Variants in UNC80 observed in about 807,000 individuals in gnomAD.
UNC80 encodes the protein protein unc-80 homolog.
Under a neutral mutation model 384.6 loss-of-function variants are expected in UNC80, and 164 were observed. The ratio of observed to expected loss-of-function variants is 0.43; its 90% CI spans 0.38 to 0.49. The LOEUF (loss-of-function observed/expected upper bound fraction) is 0.49, where lower values mean the gene tolerates loss of function less well. UNC80 is among the 20% of genes least tolerant of loss of function. The probability of loss-of-function intolerance (pLI) is 0.00; values close to 1 mark genes in which losing one functional copy is unlikely to be tolerated. For synonymous variants in UNC80, 1,486 were observed against 1,527.8 expected (o/e 0.97, Z 0.64); for missense variants, 3,330 against 4,143.0 (o/e 0.80, Z 5.39).
rs191817545 is a variant in UNC80, at chr2:209,818,643, A to G, written c.1694-350A>G. Among the ~76,000 whole-genome samples, 23 of 152,338 alleles carry G rather than the reference A, an allele frequency of 1.5e-4. No individual in the cohort carries two copies. The East Asian group carries it at 4.4e-3, about 29-fold the overall frequency. ...TTAATATACTGGATAAAAATGCTAT[A>G]AACAAATAGTTTATATCAGTATGAT... On this transcript the variant is annotated intron_variant, in intron 11 of 64. Transcript: ENST00000673920.
In UNC80 at chr2:209,883,961, A is replaced by G. The variant is rs187962868; in HGVS notation, c.4110+2867A>G. Among the ~76,000 whole-genome samples the G allele has an allele frequency of 2.1e-3, 327 of 152,292 alleles. 2 individuals are homozygous for G. The highest frequency in any genetic ancestry group is 7.6e-3 in the African/African-American group (316 of 41,566). On this transcript the variant is annotated intron_variant, in intron 25 of 64. Transcript: ENST00000673920. ...CAGAGTAAGCATAAATACAGCCAAA[A>G]TGACATTTTTTCACCAGATAGATCC...
intron 18 of UNC80, among the ~76,000 whole-genome samples, chr2:209,837,439 T>C (rs2081400727): frequency 6.6e-6 from 1 of 152,208 alleles, no homozygotes; most frequent in Non-Finnish European, 1.5e-5. Flanking sequence ...CTGTAAACTC[T>C]TGGTGTATTA....
At chr2:209,773,948 A>G (rs912796555) in intron 2 of UNC80, among the ~76,000 whole-genome samples, 1 of 152,238 alleles carries the variant, frequency 6.6e-6, no homozygotes, top group Non-Finnish European at 1.5e-5. Flanking sequence ...ACAAATTGAG[A>G]AAATAAGACA....
chr2:209,840,230 A>G (rs977328186), intron 19 of UNC80, among the ~76,000 whole-genome samples: 1 of 152,230 alleles, frequency 6.6e-6, no homozygotes, highest in African/African-American at 2.4e-5. Context: ...CCATGTAGGC[A>G]GAGATAAATG....
intron 24 of UNC80, 85 bp downstream of exon 24, chr2:209,878,174 A>G: frequency 7.5e-7 from 1 of 1,328,812 alleles, no homozygotes; most frequent in African/African-American, 1.5e-5. Context: ...TTTCTCCTTC[A>G]TATTCTTACC....
chr2:209,771,988 T>G lies in UNC80; in HGVS notation c.-85T>G. The G allele has an allele frequency of 2.0e-6, 2 of 977,630 alleles. No individual in the cohort carries two copies. The highest frequency in any genetic ancestry group is 2.8e-5 in the East Asian group (1 of 35,280). The allele number at this position is 977,630 out of a possible 1,614,324, so 60.6% of individuals were successfully genotyped here. A position where few individuals can be genotyped will look rare whatever the true frequency, so the allele number is the denominator to read the frequency against. ...GCCTCGGGGAAGGAGGGGATGAGAG[T>G]TGGGAGCAGCGGGAGGAGGCGGCGG... On this transcript the variant is annotated 5_prime_UTR_variant, in exon 1 of 65. Transcript: ENST00000673920.
chr2:209,944,375 G>A (rs1238524314), intron 45 of UNC80, among the ~76,000 whole-genome samples: 3 of 152,158 alleles, frequency 2.0e-5, no homozygotes, highest in South Asian at 4.1e-4. Flanking sequence ...TCATTAACAT[G>A]AATTTCTACG....
intron 16 of UNC80, among the ~76,000 whole-genome samples, chr2:209,832,986 T>C (rs2081089663): frequency 6.6e-6 from 1 of 152,182 alleles, no homozygotes; most frequent in African/African-American, 2.4e-5. Context: ...TACTCTTTGC[T>C]GTGTGCTTAG....
intron 18 of UNC80, among the ~76,000 whole-genome samples, chr2:209,837,257 T>C (rs2081389093): frequency 6.6e-6 from 1 of 152,220 alleles, no homozygotes; most frequent in Admixed American, 6.5e-5. Context: ...AGCAAATCAA[T>C]AGCTAAAACC....
At chr2:209,971,147 T>C (rs1329991092) in intron 54 of UNC80, among the ~76,000 whole-genome samples, 190 bp downstream of exon 54, 1 of 152,228 alleles carries the variant, frequency 6.6e-6, no homozygotes, top group Non-Finnish European at 1.5e-5. Flanking sequence ...GTAATTCTTC[T>C]TGAGATCTCA....
chr2:209,959,602 C>T lies in UNC80; in HGVS notation c.7700C>T (p.Thr2567Ile). The change falls in exon 51 of 65, where the codon ACT becomes ATT. Residue 2567 changes from threonine (T) to isoleucine (I), a missense_variant. Transcript: ENST00000673920. ...CGGGAGTCCTTACTGAATATTTGCACTGAGTTCTATAAGCACTGTGGGCCA... is the reference window on the plus strand; with the variant it reads ...CGGGAGTCCTTACTGAATATTTGCATTGAGTTCTATAAGCACTGTGGGCCA... ...RPRESLLNIC[T>I]EFYKHCGPRL... is the part of the protein sequence containing the mutation. 6.4e-7 allele frequency: 1 copy of T among 1,551,722 alleles called. No individual in the cohort carries two copies. Among genetic ancestry groups the T allele is most frequent in the Non-Finnish European group, 8.7e-7 (1 of 1,146,988 alleles).
intron 47 of UNC80, among the ~76,000 whole-genome samples, chr2:209,950,953 G>T (rs918960082): frequency 2.6e-5 from 4 of 151,964 alleles, no homozygotes; most frequent in African/African-American, 9.7e-5. Flanking sequence ...CATGTGGATT[G>T]CATGATTTCA....
intron 21 of UNC80, 62 bp downstream of exon 21, chr2:209,842,508 T>C (rs1331750139): frequency 3.4e-6 from 4 of 1,159,896 alleles, no homozygotes; most frequent in Admixed American, 2.4e-5. Context: ...AAAACTTGAT[T>C]AGATTAAGTG....
chr2:209,968,069 C>T (rs1396087698), intron 52 of UNC80: 1 of 152,916 alleles, frequency 6.5e-6, no homozygotes, highest in South Asian at 2.1e-4. Flanking sequence ...CCAAGCTTTA[C>T]AATAATCGCC....
chr2:209,975,531 C>A (rs539899360), intron 56 of UNC80, among the ~76,000 whole-genome samples: 2 of 152,226 alleles, frequency 1.3e-5, no homozygotes, highest in East Asian at 3.9e-4. Flanking sequence ...TGGAAAGATA[C>A]CCTGCACGCA....
At position 209,976,162 on chromosome 2, in the gene UNC80, C is replaced by A; in HGVS notation, c.8631C>A (p.Ser2877Arg). ...TCTGCTTTGAGAGGCAGCTCGGAAG[C>A]CAGTGGTACTGGCTGAGCCTCCAGG... Reference protein sequence around the residue: ...ILVCFERQLGSQWYWLSLQVK... With the variant: ...ILVCFERQLGRQWYWLSLQVK... Residue 2877 changes from serine to arginine, a missense_variant, in exon 57 of 65, where the codon AGC (serine) becomes AGA (arginine). By Grantham distance (110) the Ser-to-Arg change is moderately radical. This residue lies in a region of UNC80 where 1,049 missense variants were observed against 1,488.6 expected (regional missense o/e 0.70). Transcript: ENST00000673920. This position sits in a 1 kb window ranked among gnomAD's most constrained non-coding sequence, Gnocchi z 4.3. The A allele has an allele frequency of 6.4e-7, 1 of 1,551,614 alleles. No homozygotes were observed. The highest frequency in any genetic ancestry group is 8.7e-7 in the Non-Finnish European group (1 of 1,146,968).
chr2:209,856,190 A>G (rs974510561), intron 22 of UNC80, among the ~76,000 whole-genome samples: 2 of 152,140 alleles, frequency 1.3e-5, no homozygotes, highest in Non-Finnish European at 2.9e-5. Context: ...CCTTTAATCT[A>G]TATTTTAACC....
At chr2:209,809,061 G>C (rs914976416) in intron 7 of UNC80, 4 of 445,222 alleles carry the variant, frequency 9.0e-6, no homozygotes, top group Non-Finnish European at 1.2e-5. Context: ...CCTCACTGTC[G>C]GATGAGGACA....
chr2:209,913,651 G>A, intron 30 of UNC80, 151 bp from the exon 31 acceptor site: 1 of 675,270 alleles, frequency 1.5e-6, no homozygotes, highest in South Asian at 2.5e-5. Context: ...TCTATCATAT[G>A]CCATGTCAAC....
Sources: allele counts gnomAD v4.1 joint callset (sites outside exome capture counted in the v4.1 genomes callset), GRCh38; gene constraint gnomAD v4.1.1; regional missense constraint gnomAD v4.1.1; non-coding constraint Gnocchi (gnomAD v3.1); transcripts MANE v1.5; gene names NCBI Gene and HGNC (gene_info 2026-07-23, HGNC 2026-07-21).